PCDHGA1: variants seen among roughly 807,000 people sequenced by gnomAD.
PCDHGA1 encodes the protein protocadherin gamma-A1.
A neutral mutation model predicts 58.0 loss-of-function variants in PCDHGA1; 32 were observed. The ratio of observed to expected loss-of-function variants is 0.55; its 90% CI spans 0.42 to 0.74. The LOEUF (loss-of-function observed/expected upper bound fraction) is 0.74. Ranked by LOEUF, PCDHGA1 falls within the 30% of genes least tolerant of loss-of-function variation. PCDHGA1 has a pLI of 0.00. For missense variants in PCDHGA1, 1,205 were observed against 1,182.3 expected (o/e 1.02, Z -0.28); for synonymous variants, 498 against 501.1 (o/e 0.99, Z 0.08).
rs773944794 is a variant in PCDHGA1 at position 141,477,003 on chromosome 5, C to T, written c.2422-17804C>T. 1.2e-6 allele frequency: 2 copies of T among 1,614,214 alleles called. No homozygotes were observed. The highest frequency in any genetic ancestry group is 8.5e-7 in the Non-Finnish European group (1 of 1,180,040). On this transcript the variant is annotated intron_variant, in intron 1 of 3. Transcript: ENST00000517417. This position sits in a 1 kb window ranked among gnomAD's most constrained non-coding sequence, Gnocchi z 4.9. ...CGCGCCGGCGTGCGGCAACTATTCG[C>T]CTTAGACCTTGTAACCGGGATGCTG...
chr5:141,392,242 G>A (rs1294476832), intron 1 of PCDHGA1: 1 of 152,134 alleles, frequency 6.6e-6, no homozygotes, highest in African/African-American at 2.4e-5. Context: ...TTAGTTATTT[G>A]TTAGTATATA....
chr5:141,331,741 A>G lies in PCDHGA1; in HGVS notation c.1057A>G (p.Thr353Ala). 6.2e-7 allele frequency: 1 copy of G among 1,614,152 alleles called. No homozygotes were observed. The highest frequency in any genetic ancestry group is 8.5e-7 in the Non-Finnish European group (1 of 1,180,038). ...NAPEVTITSV[T>A]TAVPENFPPG... ...CCCAGAAGTGACCATCACCTCTGTC[A>G]CCACTGCAGTTCCAGAAAACTTTCC... The change falls in exon 1 of 4, where the codon ACC becomes GCC. Residue 353 changes from threonine to alanine, a missense_variant. By Grantham distance (58) the Thr-to-Ala change is moderately conservative (BLOSUM62 0). Coordinates refer to ENST00000517417, the MANE Select transcript of PCDHGA1 (RefSeq NM_018912.3).
At position 141,422,923 on chromosome 5, in the gene PCDHGA1, C is replaced by T. The variant is rs188787674; in HGVS notation, c.2422-71884C>T. The T allele has an allele frequency of 1.6e-5, 26 of 1,614,252 alleles. No homozygotes were observed. In the East Asian group the frequency reaches 2.5e-4, roughly 15 times the overall value. On this transcript the variant is annotated intron_variant, in intron 1 of 3. Coordinates refer to ENST00000517417, the MANE Select transcript of PCDHGA1 (RefSeq NM_018912.3). ...CGACAATGCGCCCGAGATCCTGTAC[C>T]CTGCCCTCCCCACAGACGGCTCCAC...
intron 1 of PCDHGA1, chr5:141,372,410 A>C: frequency 6.2e-7 from 1 of 1,613,980 alleles, no homozygotes; most frequent in South Asian, 1.1e-5. Context: ...AAGAGATACA[A>C]CCTGACCTTA....
At chr5:141,356,886 C>T in intron 1 of PCDHGA1, 1 of 1,614,206 alleles carries the variant, frequency 6.2e-7, no homozygotes, top group Non-Finnish European at 8.5e-7. Context: ...TCCCTGAGAT[C>T]CTGTACCCCA....
At chr5:141,461,291 C>A (rs892436619) in intron 1 of PCDHGA1, among the ~76,000 whole-genome samples, 1 of 152,128 alleles carries the variant, frequency 6.6e-6, no homozygotes, top group African/African-American at 2.4e-5. Flanking sequence ...CACATCCACA[C>A]CAACATCTAT....
intron 1 of PCDHGA1, chr5:141,433,086 C>A (rs747501244): frequency 1.9e-6 from 3 of 1,614,208 alleles, no homozygotes; most frequent in African/African-American, 2.7e-5. Context: ...CCCAACTATG[C>A]AGACATGCTC....
chr5:141,341,219 C>T (rs751818839), intron 1 of PCDHGA1: 3 of 1,614,116 alleles, frequency 1.9e-6, no homozygotes, highest in Admixed American at 1.7e-5. Flanking sequence ...TCGGGCTTTC[C>T]TGCAGACCTA....
At position 141,333,290 on chromosome 5, in the gene PCDHGA1, C is replaced by T. The variant is rs567021530; in HGVS notation, c.2421+185C>T. On this transcript the variant is annotated intron_variant, in intron 1 of 3. Transcript: ENST00000517417. ...ATATGCAGGTATATTTATAATTGTT[C>T]TTGCACTGAAAAGGAGACTGTGATC... is the stretch of plus-strand genomic sequence containing the variant. 1.9e-5 allele frequency: 17 copies of T among 912,010 alleles called. No homozygotes were observed. The African/African-American group carries it at 2.9e-4, about 15-fold the overall frequency. 56.5% of individuals were successfully genotyped at this position (912,010 alleles called of 1,614,324 possible). A position where few individuals can be genotyped will look rare whatever the true frequency, so the allele number is the denominator to read the frequency against.
At chr5:141,344,660 G>T in intron 1 of PCDHGA1, 1 of 1,614,000 alleles carries the variant, frequency 6.2e-7, no homozygotes, top group Non-Finnish European at 8.5e-7. Flanking sequence ...AAATTCACCA[G>T]CTTGTCCTGG....
At chr5:141,341,356 A>G in intron 1 of PCDHGA1, 1 of 1,614,262 alleles carries the variant, frequency 6.2e-7, no homozygotes, top group Non-Finnish European at 8.5e-7. Context: ...CAGCGCCTCA[A>G]TCTCTACTCG....
intron 1 of PCDHGA1, among the ~76,000 whole-genome samples, chr5:141,445,733 T>C (rs1031885468): frequency 6.6e-6 from 1 of 152,186 alleles, no homozygotes; most frequent in Non-Finnish European, 1.5e-5. Context: ...TGTGTAAAGA[T>C]CTTTTTAAAA....
chr5:141,370,322 C>G, intron 1 of PCDHGA1: 6 of 1,366,842 alleles, frequency 4.4e-6, no homozygotes, highest in Non-Finnish European at 5.0e-6. Flanking sequence ...GTTGGTCCTG[C>G]TCGGAGAACT....
rs138831045 is a variant in PCDHGA1 at position 141,462,238 on chromosome 5, G to A, written c.2422-32569G>A. Among the ~76,000 whole-genome samples the A allele has an allele frequency of 2.9e-3, 441 of 152,288 alleles. 3 individuals carry two copies. Among genetic ancestry groups the A allele is most frequent in the African/African-American group, 9.9e-3 (412 of 41,566 alleles). On this transcript the variant is annotated intron_variant, in intron 1 of 3. Coordinates refer to ENST00000517417, the MANE Select transcript of PCDHGA1 (RefSeq NM_018912.3). ...GCCTCCCAAAGTGCAGGGATTACAG[G>A]TATGAGCCACCATGACCAGCCTAAA...
At chr5:141,474,426 C>T (rs2099349464) in intron 1 of PCDHGA1, among the ~76,000 whole-genome samples, 1 of 152,198 alleles carries the variant, frequency 6.6e-6, no homozygotes, top group Non-Finnish European at 1.5e-5. Context: ...ACCATTGGTC[C>T]TCACACTTTG....
chr5:141,432,934 G>T lies in PCDHGA1; in HGVS notation c.2422-61873G>T, dbSNP rs377666802. 1.2e-6 allele frequency: 2 copies of T among 1,614,078 alleles called. No individual in the cohort carries two copies. The highest frequency in any genetic ancestry group is 1.3e-5 in the African/African-American group (1 of 74,940). On this transcript the variant is annotated intron_variant, in intron 1 of 3. Coordinates refer to ENST00000517417, the MANE Select transcript of PCDHGA1 (RefSeq NM_018912.3). This position sits in a 1 kb window ranked among gnomAD's most constrained non-coding sequence, Gnocchi z 6.0. ...GGCGCTGGCACAAGTCACGCCTGCT[G>T]CAGGCTTCAGGAGGCGGCTTGACAG...
At chr5:141,376,356 C>T in intron 1 of PCDHGA1, 1 of 1,614,228 alleles carries the variant, frequency 6.2e-7, no homozygotes, top group South Asian at 1.1e-5. Flanking sequence ...CACGAGGTCT[C>T]ACTCACTGCA....
In PCDHGA1 at chr5:141,485,513, T is replaced by C. The variant is rs751762068; in HGVS notation, c.2422-9294T>C. The C allele has an allele frequency of 4.3e-6, 7 of 1,613,938 alleles. No homozygotes were observed. The highest frequency in any genetic ancestry group is 2.2e-5 in the East Asian group (1 of 44,890). On this transcript the variant is annotated intron_variant, in intron 1 of 3. Coordinates refer to ENST00000517417, the MANE Select transcript of PCDHGA1 (RefSeq NM_018912.3). The surrounding 1 kb of genome is among the most constrained non-coding windows in gnomAD (Gnocchi z 5.7). ...CCTGGAGTTTGTCACCGAAGGTCCTTTGGAAATGTACCGAGCAGAGGTAGA... is the reference window on the plus strand; with the variant it reads ...CCTGGAGTTTGTCACCGAAGGTCCTCTGGAAATGTACCGAGCAGAGGTAGA...
At chr5:141,409,972 G>A in intron 1 of PCDHGA1, 1 of 1,613,374 alleles carries the variant, frequency 6.2e-7, no homozygotes, top group South Asian at 1.1e-5. Context: ...TAGTGACTAA[G>A]GTGGTAGCGG....
Sources: allele counts gnomAD v4.1 joint callset (sites outside exome capture counted in the v4.1 genomes callset), GRCh38; gene constraint gnomAD v4.1.1; non-coding constraint Gnocchi (gnomAD v3.1); transcripts MANE v1.5; gene names NCBI Gene and HGNC (gene_info 2026-07-23, HGNC 2026-07-21).